RBFOX1: variants seen among roughly 807,000 people sequenced by gnomAD.
RBFOX1 encodes the protein RNA binding protein fox-1 homolog 1.
A neutral mutation model predicts 57.7 loss-of-function variants in RBFOX1; 8 were observed. The ratio of observed to expected loss-of-function variants is 0.14; its 90% CI spans 0.08 to 0.25. RBFOX1 has a LOEUF of 0.25. Ranked by LOEUF, RBFOX1 falls within the 10% of genes least tolerant of loss-of-function variation. The probability of loss-of-function intolerance (pLI) is 1.00; values close to 1 mark genes in which losing one functional copy is unlikely to be tolerated. For missense variants in RBFOX1, 611 were observed against 548.5 expected (o/e 1.11, Z -1.14); for synonymous variants, 326 against 222.4 (o/e 1.47, Z -4.15).
chr16:6,091,833 A>G (rs984954175), intron 1 of RBFOX1, among the ~76,000 whole-genome samples: 1 of 152,190 alleles, frequency 6.6e-6, no homozygotes, highest in South Asian at 2.1e-4. Context: ...TCTGTCTCAA[A>G]AAAACAAAAC....
chr16:5,499,628 C>G (rs78916461), intron 2 of RBFOX1, among the ~76,000 whole-genome samples: 1,738 of 151,456 alleles, frequency 0.011, 36 homozygotes, highest in African/African-American at 0.04. Context: ...GCTGGAGTAC[C>G]GTGGTGTGAT....
chr16:7,039,560 C>G (rs752249727), intron 3 of RBFOX1, among the ~76,000 whole-genome samples: 1 of 152,040 alleles, frequency 6.6e-6, no homozygotes, highest in African/African-American at 2.4e-5. Flanking sequence ...TTCCTGAAAC[C>G]TAAGCATTTA....
intron 4 of RBFOX1, among the ~76,000 whole-genome samples, chr16:7,357,947 C>G (rs1183972425): frequency 6.6e-6 from 1 of 152,104 alleles, no homozygotes; most frequent in Non-Finnish European, 1.5e-5. Flanking sequence ...TTTTTACTGT[C>G]TCTGTCTTAA....
At chr16:7,377,694 A>G (rs1344274854) in intron 4 of RBFOX1, among the ~76,000 whole-genome samples, 1 of 152,234 alleles carries the variant, frequency 6.6e-6, no homozygotes, top group Non-Finnish European at 1.5e-5. Context: ...ATATTTGTAG[A>G]GAACCTATCT....
At chr16:6,584,586 C>G (rs866648286) in intron 2 of RBFOX1, among the ~76,000 whole-genome samples, 1 of 151,922 alleles carries the variant, frequency 6.6e-6, no homozygotes, top group Admixed American at 6.6e-5. Context: ...CCAGGCTGGT[C>G]TCAAACTCCT....
chr16:5,703,609 G>C (rs990514618), intron 3 of RBFOX1, among the ~76,000 whole-genome samples: 1 of 152,186 alleles, frequency 6.6e-6, no homozygotes, highest in Non-Finnish European at 1.5e-5. Flanking sequence ...AGAGACTCTG[G>C]AGTCAGGATG....
chr16:7,561,117 G>T (rs944711650), intron 5 of RBFOX1, among the ~76,000 whole-genome samples: 1 of 152,144 alleles, frequency 6.6e-6, no homozygotes, highest in African/African-American at 2.4e-5. Flanking sequence ...TAGCTGAGTT[G>T]AACAGTGTAG....
intron 3 of RBFOX1, among the ~76,000 whole-genome samples, chr16:6,807,036 G>A (rs1303405191): frequency 2.0e-5 from 3 of 151,568 alleles, no homozygotes; most frequent in Non-Finnish European, 4.4e-5. Context: ...GTTTCAGCAT[G>A]ATTGCCAGGC....
intron 1 of RBFOX1, among the ~76,000 whole-genome samples, chr16:6,279,363 C>T (rs951906646): frequency 3.0e-4 from 46 of 152,180 alleles, no homozygotes; most frequent in African/African-American, 1.1e-3. Context: ...AAAACCCTTT[C>T]TGCCTTGAAG....
chr16:7,528,431 C>T (rs1009178392), intron 5 of RBFOX1, among the ~76,000 whole-genome samples: 1 of 152,132 alleles, frequency 6.6e-6, no homozygotes, highest in Non-Finnish European at 1.5e-5. Context: ...GTTTGAAGGA[C>T]CTAATTCCCT....
intron 2 of RBFOX1, among the ~76,000 whole-genome samples, chr16:6,644,667 T>C (rs994611804): frequency 2.0e-5 from 3 of 152,210 alleles, no homozygotes; most frequent in Admixed American, 1.3e-4. Flanking sequence ...GTCTTTTCTT[T>C]CCATTGCTCT....
chr16:5,559,266 G>A (rs191835703), intron 2 of RBFOX1, among the ~76,000 whole-genome samples: 9 of 151,252 alleles, frequency 6.0e-5, no homozygotes, highest in African/African-American at 2.2e-4. Context: ...CTGGTTCTTG[G>A]TTTGTTTAAG....
chr16:5,374,052 C>T (rs989115182), intron 1 of RBFOX1, among the ~76,000 whole-genome samples: 5 of 152,172 alleles, frequency 3.3e-5, no homozygotes, highest in African/African-American at 7.2e-5. Flanking sequence ...TGAGTAGCTG[C>T]GATTACAGGC....
At chr16:6,430,112 A>G (rs2094035815) in intron 2 of RBFOX1, among the ~76,000 whole-genome samples, 1 of 151,060 alleles carries the variant, frequency 6.6e-6, no homozygotes, top group Admixed American at 6.6e-5. Flanking sequence ...CCATCTCAAG[A>G]AGAAAAAAAA....
At chr16:7,319,611 C>T (rs1481926343) in intron 4 of RBFOX1, among the ~76,000 whole-genome samples, 1 of 152,114 alleles carries the variant, frequency 6.6e-6, no homozygotes, top group Non-Finnish European at 1.5e-5. Flanking sequence ...TCCTGGGCCT[C>T]AGAAGAGATT....
chr16:5,946,864 C>A lies in RBFOX1; in HGVS notation c.351+79529C>A, dbSNP rs1030707250. Among the ~76,000 whole-genome samples, 17 of 152,070 alleles carry A rather than the reference C, an allele frequency of 1.1e-4. No individual in the cohort carries two copies. The highest frequency in any genetic ancestry group is 3.9e-4 in the African/African-American group (16 of 41,390). The stretch of plus-strand genomic sequence containing the variant: ...AGCATTGCTTGGTGTGAAATAAAAC[C>A]CAACACATATGAGTGTAGAGGTATG... On this transcript the variant is annotated intron_variant, in intron 4 of 19. Transcript: ENST00000641259. The surrounding 1 kb of genome is among the most constrained non-coding windows in gnomAD (Gnocchi z 4.6).
intron 3 of RBFOX1, among the ~76,000 whole-genome samples, chr16:6,881,732 C>T (rs1359527676): frequency 2.0e-5 from 3 of 152,068 alleles, no homozygotes; most frequent in African/African-American, 7.2e-5. Context: ...TAACACATCA[C>T]ACTGGGTGCC....
intron 3 of RBFOX1, among the ~76,000 whole-genome samples, chr16:5,768,237 C>T (rs372872663): frequency 5.3e-4 from 80 of 152,284 alleles, no homozygotes; most frequent in Non-Finnish European, 9.6e-4. Flanking sequence ...TAATGAGATA[C>T]GTGAACCCAT....
Position 7,701,805 on chromosome 16 carries a change from T to G in RBFOX1, c.996-7251T>G, listed in dbSNP as rs563308561. 9.2e-5 allele frequency among the ~76,000 whole-genome samples: 14 copies of G among 152,332 alleles called. No homozygotes were observed. In the South Asian group the frequency reaches 2.7e-3, roughly 29 times the overall value. ...AACAGATCTGAAGTCCAGAACTCAGTTGACCCTTGTAGAGTGAAAGTGAAC... is the reference window on the plus strand; with the variant it reads ...AACAGATCTGAAGTCCAGAACTCAGGTGACCCTTGTAGAGTGAAAGTGAAC... On this transcript the variant is annotated intron_variant, in intron 14 of 15. Coordinates refer to ENST00000550418, the MANE Select transcript of RBFOX1 (RefSeq NM_018723.4).
Sources: allele counts gnomAD v4.1 joint callset (sites outside exome capture counted in the v4.1 genomes callset), GRCh38; gene constraint gnomAD v4.1.1; non-coding constraint Gnocchi (gnomAD v3.1); transcripts MANE v1.5; gene names NCBI Gene and HGNC (gene_info 2026-07-23, HGNC 2026-07-21).